The following NOS2 variants were observed in gnomAD, a reference collection of about 807,000 sequenced individuals.
The protein encoded by NOS2 is nitric oxide synthase, inducible.
NOS2 carries 96 observed loss-of-function variants against 136.0 expected under a neutral mutation model. That is an observed-to-expected ratio of 0.71 (90% CI 0.60 to 0.84). The LOEUF is 0.84. NOS2 is among the 40% of genes least tolerant of loss of function. The pLI, the probability that NOS2 is intolerant of heterozygous loss-of-function variation, is 0.00. For missense variants in NOS2, 1,237 were observed against 1,496.9 expected (o/e 0.83, Z 2.87); for synonymous variants, 539 against 587.5 (o/e 0.92, Z 1.20).
At chr17:27,776,132 G>C (rs1011359003) in intron 11 of NOS2, among the ~76,000 whole-genome samples, 2 of 152,168 alleles carry the variant, frequency 1.3e-5, no homozygotes, top group Non-Finnish European at 2.9e-5. Flanking sequence ...TGAGAGGAAG[G>C]GAGACTTGTG....
intron 26 of NOS2, among the ~76,000 whole-genome samples, chr17:27,757,843 T>C (rs536727760): frequency 6.6e-6 from 1 of 152,294 alleles, no homozygotes; most frequent in East Asian, 1.9e-4. Context: ...ATGCCTGTTA[T>C]CTCCTCACTG....
Position 27,769,066 on chromosome 17 carries a change from C to T in NOS2, c.1945G>A (p.Gly649Arg). Residue 649 changes from glycine to arginine, a missense_variant, in exon 17 of 27, where the codon GGG becomes AGG. Gly to Arg is a moderately radical substitution (Grantham distance 125, BLOSUM62 -2). Coordinates refer to ENST00000313735, the MANE Select transcript of NOS2 (RefSeq NM_000625.4). ...HDIDQKLSHL[G>R]ASQLTPMGEG... ...CCCATCGGGGTGAGCTGAGAGGCCC[C>T]CAGGTGGGACAGCTTCTGATCAATG... The T allele has an allele frequency of 6.2e-7, 1 of 1,612,742 alleles. No individual in the cohort carries two copies. Among genetic ancestry groups the T allele is most frequent in the Non-Finnish European group, 8.5e-7 (1 of 1,179,634 alleles).
intron 2 of NOS2, among the ~76,000 whole-genome samples, chr17:27,797,733 G>C (rs1909398328): frequency 6.6e-6 from 1 of 152,178 alleles, no homozygotes; most frequent in South Asian, 2.1e-4. Context: ...CTTTCCACCT[G>C]AGCGAGCCTC....
At chr17:27,767,000 CAA>C (rs11428460) in intron 18 of NOS2, among the ~76,000 whole-genome samples, 6 of 42,786 alleles carry the variant, frequency 1.4e-4, no homozygotes, top group Admixed American at 2.2e-4. Context: ...GACTCCGTCT[CAA>C]AAAAAAAAAA....
chr17:27,769,017 T>C lies in NOS2; in HGVS notation c.1994A>G (p.Gln665Arg). ...PMGEGDELSG[Q>R]EDAFRSWAVQ... The stretch of plus-strand genomic sequence containing the variant: ...GGCCCAGCTGCGGAAGGCGTCCTCC[T>C]GCCCACTGAGCTCATCCCCTTCTCC... Residue 665 changes from glutamine (Q) to arginine (R), a missense_variant, in exon 17 of 27, where the codon CAG (glutamine) becomes CGG (arginine). This residue lies in a region of NOS2 where 782 missense variants were observed against 909.9 expected (regional missense o/e 0.86). Transcript: ENST00000313735. 1.9e-6 allele frequency: 3 copies of C among 1,612,258 alleles called. No individual in the cohort carries two copies. Among genetic ancestry groups the C allele is most frequent in the Non-Finnish European group, 2.5e-6 (3 of 1,179,422 alleles).
intron 2 of NOS2, chr17:27,793,683 C>A (rs1010079855): frequency 1.5e-5 from 6 of 395,740 alleles, no homozygotes; most frequent in African/African-American, 4.1e-5. Flanking sequence ...CCGCGCCCAG[C>A]CCCTCGCGCA....
rs946276279 is a variant in NOS2, at chr17:27,787,747, G to A, written c.398C>T (p.Pro133Leu). ...AGGTAGAAGCTCATCTGGAGGGGTA[G>A]GCTTGTCCCTGGGTCCTCTGGTCAA... ...KSLTRGPRDK[P>L]TPPDELLPQA... Residue 133 changes from proline (P) to leucine (L), a missense_variant, in exon 5 of 27, where the codon CCT becomes CTT. This residue lies in a region of NOS2 where 440 missense variants were observed against 545.4 expected (regional missense o/e 0.81). Transcript: ENST00000313735. The A allele has an allele frequency of 6.2e-7, 1 of 1,613,728 alleles. No individual in the cohort carries two copies.
chr17:27,777,690 C>A (rs973625753), intron 11 of NOS2, among the ~76,000 whole-genome samples: 7 of 152,186 alleles, frequency 4.6e-5, no homozygotes, highest in African/African-American at 1.4e-4. Context: ...GGTGCAGCAG[C>A]AAACAGACAG....
Position 27,782,016 on chromosome 17 carries a change from T to C in NOS2, c.721A>G (p.Arg241Gly), listed in dbSNP as rs767054361. 2.5e-6 allele frequency: 4 copies of C among 1,613,728 alleles called. No individual in the cohort carries two copies. Among genetic ancestry groups the C allele is most frequent in the Middle Eastern group, 1.6e-4 (1 of 6,084 alleles). ...VRYSTNNGNI[R>G]SAITVFPQRS... ...CAGCCCTGGGAAATGTGCACCGACC[T>C]GATGTTGCCATTGTTGGTGGAGTAA... Residue 241 changes from arginine (R) to glycine (G), a missense_variant and splice_region_variant, in exon 7 of 27, where the codon AGG (arginine) becomes GGG (glycine). Arg to Gly is a moderately radical substitution (Grantham distance 125, BLOSUM62 -2). Around this residue, in one of 3 missense-constraint regions of NOS2, gnomAD observed 440 missense variants for 545.4 expected, o/e 0.81. Transcript: ENST00000313735.
chr17:27,763,265 A>G (rs1347371735), intron 21 of NOS2, among the ~76,000 whole-genome samples: 3 of 152,160 alleles, frequency 2.0e-5, no homozygotes, highest in African/African-American at 7.2e-5. Flanking sequence ...CTTTATTGTA[A>G]TTTATTTGGG....
At chr17:27,763,166 T>C (rs1159717542) in intron 21 of NOS2, among the ~76,000 whole-genome samples, 161 bp from the exon 22 acceptor site, 1 of 152,180 alleles carries the variant, frequency 6.6e-6, no homozygotes, top group Non-Finnish European at 1.5e-5. Flanking sequence ...TGAGACAAAA[T>C]AAGTGCCTGT....
rs116801378 is a variant in NOS2, at chr17:27,762,677, C to T, written c.2800+121G>A. 329 of 724,902 alleles carry T rather than the reference C, an allele frequency of 4.5e-4. 1 individual carries two copies. The African/African-American group carries it at 5.2e-3, about 11-fold the overall frequency. The allele number at this position is 724,902 out of a possible 1,614,324, so 44.9% of individuals were successfully genotyped here. On this transcript the variant is annotated intron_variant, in intron 22 of 26. Transcript: ENST00000313735. ...ACACACCTCCTAATACTGTTAACAACTCTGGGCTGTGGGTGTTCCCTCCCT... is the reference window on the plus strand; with the variant it reads ...ACACACCTCCTAATACTGTTAACAATTCTGGGCTGTGGGTGTTCCCTCCCT...
At chr17:27,798,930 G>T (rs1459053517) in intron 1 of NOS2, 48 bp from the exon 2 acceptor site, 2 of 688,768 alleles carry the variant, frequency 2.9e-6, no homozygotes, top group East Asian at 5.3e-5. Context: ...AGAGTTTACA[G>T]AACAGGGCTT....
Position 27,782,927 on chromosome 17 carries a change from A to G in NOS2, c.630+17T>C, listed in dbSNP as rs1908897832. The G allele has an allele frequency of 6.2e-7, 1 of 1,613,308 alleles. No individual in the cohort carries two copies. The highest frequency in any genetic ancestry group is 2.2e-5 in the East Asian group (1 of 44,872). On this transcript the variant is annotated intron_variant, in intron 6 of 26. Transcript: ENST00000313735. ...GCCGCCTCCAGCTCTCTCCCGCTCA[A>G]GTCTAAGGAAGTTCACCTGCAGGTT... is the stretch of plus-strand genomic sequence containing the variant.
In NOS2 at chr17:27,769,057, G is replaced by C. The variant is rs756812497; in HGVS notation, c.1954C>G (p.Gln652Glu). The C allele has an allele frequency of 6.2e-7, 1 of 1,612,640 alleles. No individual in the cohort carries two copies. Among genetic ancestry groups the C allele is most frequent in the Admixed American group, 1.7e-5 (1 of 59,864 alleles). Residue 652 changes from glutamine to glutamate, a missense_variant, in exon 17 of 27, where the codon CAG (glutamine) becomes GAG (glutamate). By Grantham distance (29) the Gln-to-Glu change is conservative (BLOSUM62 2). Transcript: ENST00000313735. The part of the protein sequence containing the change: ...DQKLSHLGAS[Q>E]LTPMGEGDEL... ...TCCCCTTCTCCCATCGGGGTGAGCT[G>C]AGAGGCCCCCAGGTGGGACAGCTTC...
chr17:27,775,589 G>A (rs577677120), intron 11 of NOS2, among the ~76,000 whole-genome samples: 13 of 151,932 alleles, frequency 8.6e-5, no homozygotes, highest in African/African-American at 1.9e-4. Context: ...GTGACAGAGC[G>A]AGACTCTGTC....
chr17:27,769,834 G>A (rs551134210), intron 15 of NOS2, among the ~76,000 whole-genome samples: 1 of 152,312 alleles, frequency 6.6e-6, no homozygotes, highest in African/African-American at 2.4e-5. Flanking sequence ...TGGAACAGCT[G>A]GGCCCCCACC....
At position 27,764,074 on chromosome 17, in the gene NOS2, G is replaced by A; in HGVS notation, c.2499C>T (p.Asp833=). 6.2e-7 allele frequency: 1 copy of A among 1,611,816 alleles called. No homozygotes were observed. The highest frequency in any genetic ancestry group is 1.1e-5 in the South Asian group (1 of 90,718). The part of the protein sequence containing the change: ...SLSQALTYFL[D]ITTPPTQLLL... ...GCAGCTGGGTTGGGGGTGTGGTGAT[G>A]TCCAGGAAGTAGGTGAGGGCCTGGC... Residue 833 remains aspartate, a synonymous_variant, in exon 21 of 27, where the codon GAC becomes GAT. Coordinates refer to ENST00000313735, the MANE Select transcript of NOS2 (RefSeq NM_000625.4).
chr17:27,764,687 T>G (rs1908239590), intron 20 of NOS2, among the ~76,000 whole-genome samples: 1 of 152,240 alleles, frequency 6.6e-6, no homozygotes. Flanking sequence ...CTCTGGGCCT[T>G]GGCTTCCCTC....
Sources: allele counts gnomAD v4.1 joint callset (sites outside exome capture counted in the v4.1 genomes callset), GRCh38; gene constraint gnomAD v4.1.1; regional missense constraint gnomAD v4.1.1; transcripts MANE v1.5; gene names NCBI Gene and HGNC (gene_info 2026-07-23, HGNC 2026-07-21).